The following MCRIP1 variants were observed in gnomAD, a reference collection of about 807,000 sequenced individuals.
MCRIP1 encodes the protein MAPK regulated corepressor interacting protein 1, also known as mapk-regulated corepressor-interacting protein 1.
A neutral mutation model predicts 14.4 loss-of-function variants in MCRIP1; 10 were observed. That is an observed-to-expected ratio of 0.70 (90% CI 0.43 to 1.18). The LOEUF is 1.18. Among genes scored for constraint, MCRIP1 ranks in the 50% most tolerant of loss-of-function variants. The pLI is 0.00. For missense variants in MCRIP1, 119 were observed against 135.4 expected, an observed-to-expected ratio of 0.88 and a Z score of 0.60; for synonymous variants, 53 against 55.7, an observed-to-expected ratio of 0.95 and a Z score of 0.21.
chr17:81,826,502 A>T, intron 1 of MCRIP1: 1 of 768,796 alleles, frequency 1.3e-6, no homozygotes, highest in Non-Finnish European at 2.1e-6. Flanking sequence ...CAGCCCAGGC[A>T]ACAGAGCAAG....
intron 1 of MCRIP1, chr17:81,826,105 GCCACA>G: frequency 6.8e-7 from 1 of 1,479,784 alleles, no homozygotes; most frequent in South Asian, 1.3e-5. Flanking sequence ...CCTTTATGCA[GCCACA>G]CCTTTGGCCT....
chr17:81,832,367 G>C (rs983112257), intron 1 of MCRIP1, among the ~76,000 whole-genome samples: 2 of 152,120 alleles, frequency 1.3e-5, no homozygotes, highest in African/African-American at 4.8e-5. Flanking sequence ...AACAGCCTGA[G>C]CGTGTGCGCC....
At chr17:81,830,715 G>A (rs751082278) in intron 1 of MCRIP1, among the ~76,000 whole-genome samples, 15 of 151,164 alleles carry the variant, frequency 9.9e-5, no homozygotes, top group Non-Finnish European at 2.2e-4. Context: ...AGACTGGCCT[G>A]GGCAACATAG....
At chr17:81,829,160 G>C (rs754811322) in intron 1 of MCRIP1, among the ~76,000 whole-genome samples, 1 of 152,108 alleles carries the variant, frequency 6.6e-6, no homozygotes. Flanking sequence ...CACGGCAGAC[G>C]GCCACCTGAG....
rs923983447 is a variant in MCRIP1 at position 81,824,016 on chromosome 17, C to T, written c.127+271G>A. On this transcript the variant is annotated intron_variant, in intron 3 of 4. Coordinates refer to ENST00000455127, the MANE Select transcript of MCRIP1 (RefSeq NM_207368.5). ...TAGCATGGATGACTGGCTCCCAGTG[C>T]GGCCTCTATCTGTGGCATGGCCCAC... is the stretch of plus-strand genomic sequence containing the variant. 1.7e-4 allele frequency among the ~76,000 whole-genome samples: 26 copies of T among 152,306 alleles called. No individual in the cohort carries two copies. The South Asian group carries it at 2.5e-3, about 15-fold the overall frequency.
At chr17:81,826,094 G>A in intron 1 of MCRIP1, 2 of 1,477,404 alleles carry the variant, frequency 1.4e-6, no homozygotes, top group South Asian at 2.5e-5. Context: ...TGGCCACTTG[G>A]CCTTTATGCA....
At position 81,824,515 on chromosome 17, in the gene MCRIP1, C is replaced by T. The variant is rs555317885; in HGVS notation, c.-9G>A. 5.3e-5 allele frequency: 81 copies of T among 1,536,038 alleles called. No individual in the cohort carries two copies. In the Admixed American group the frequency reaches 1.1e-3, roughly 20 times the overall value. Reference sequence around the variant, plus strand: ...GAGACCCACCTGGTCATCGCGGGGGCGTCTGATCCTAGCGCTCCACCGCCA... The same window carrying T: ...GAGACCCACCTGGTCATCGCGGGGGTGTCTGATCCTAGCGCTCCACCGCCA... On this transcript the variant is annotated 5_prime_UTR_variant, in exon 2 of 5. Transcript: ENST00000455127.
chr17:81,828,221 A>T (rs1419539978), intron 1 of MCRIP1, among the ~76,000 whole-genome samples: 1 of 150,496 alleles, frequency 6.6e-6, no homozygotes. Context: ...ACCTCTCCCT[A>T]CTTCTTCCTC....
At position 81,823,264 on chromosome 17, in the gene MCRIP1, C is replaced by T. The variant is rs1343327788; in HGVS notation, c.277G>A (p.Asp93Asn). The change falls in exon 5 of 5, where the codon GAT (aspartate) becomes AAT (asparagine). Residue 93 changes from aspartate (D) to asparagine (N), a missense_variant. Coordinates refer to ENST00000455127, the MANE Select transcript of MCRIP1 (RefSeq NM_207368.5). The surrounding 1 kb of genome is among the most constrained non-coding windows in gnomAD (Gnocchi z 6.0). The stretch of plus-strand genomic sequence containing the variant: ...CGGGCGCTCTAGGACTTCTTGGCAT[C>T]CTGCGTGCTCCGGCGCTTCAGGTCA... Reference protein sequence around the residue: ...LSDLKRRSTQDAKKS With the variant: ...LSDLKRRSTQNAKKS 2.0e-6 allele frequency: 3 copies of T among 1,536,722 alleles called. No individual in the cohort carries two copies. Among genetic ancestry groups the T allele is most frequent in the Non-Finnish European group, 2.6e-6 (3 of 1,146,794 alleles).
In MCRIP1 at chr17:81,823,375, C is replaced by G. The variant is rs2038313524; in HGVS notation, c.229+37G>C. 6.5e-7 allele frequency: 1 copy of G among 1,536,154 alleles called. No homozygotes were observed. Among genetic ancestry groups the G allele is most frequent in the African/African-American group, 1.4e-5 (1 of 73,118 alleles). ...CCTCCTGCCCATGAGGCCCGGCCTG[C>G]CGGCCCAGCCCTGCCCCCAGGTCAG... On this transcript the variant is annotated intron_variant, in intron 4 of 4. Coordinates refer to ENST00000455127, the MANE Select transcript of MCRIP1 (RefSeq NM_207368.5). The surrounding 1 kb of genome is among the most constrained non-coding windows in gnomAD (Gnocchi z 6.0).
chr17:81,823,034 G>C lies in MCRIP1; in HGVS notation c.*213C>G. ...AGGGCAGGAGGGTGGGCAGGGCCCA[G>C]ACCCCCATGATGGGGGCAGCCTGAG... On this transcript the variant is annotated 3_prime_UTR_variant, in exon 5 of 5. Transcript: ENST00000455127. This position sits in a 1 kb window ranked among gnomAD's most constrained non-coding sequence, Gnocchi z 6.0. The C allele has an allele frequency of 1.6e-6, 1 of 613,484 alleles. No individual in the cohort carries two copies. Among genetic ancestry groups the C allele is most frequent in the East Asian group, 2.7e-5 (1 of 36,442 alleles). The allele number at this position is 613,484 out of a possible 1,614,324, so 38.0% of individuals were successfully genotyped here. A position where few individuals can be genotyped will look rare whatever the true frequency, so the allele number is the denominator to read the frequency against.
In MCRIP1 at chr17:81,823,963, T is replaced by G. The variant is rs1191170904; in HGVS notation, c.127+324A>C. 1.1e-5 allele frequency: 6 copies of G among 522,100 alleles called. No individual in the cohort carries two copies. Among genetic ancestry groups the G allele is most frequent in the African/African-American group, 9.7e-5 (5 of 51,744 alleles). 32.3% of individuals were successfully genotyped at this position (522,100 alleles called of 1,614,324 possible). A position where few individuals can be genotyped will look rare whatever the true frequency, so the allele number is the denominator to read the frequency against. On this transcript the variant is annotated intron_variant, in intron 3 of 4. Transcript: ENST00000455127. The surrounding 1 kb of genome is among the most constrained non-coding windows in gnomAD (Gnocchi z 6.0). ...CTGTCTGTCTTCAAAGGCCCCTCCCTTTCCCCAGCAAACTCCTCCAGTGCT... is the reference window on the plus strand; with the variant it reads ...CTGTCTGTCTTCAAAGGCCCCTCCCGTTCCCCAGCAAACTCCTCCAGTGCT...
In MCRIP1 at chr17:81,822,832, C is replaced by T. The variant is rs558936433; in HGVS notation, c.*415G>A. The T allele has an allele frequency of 1.7e-4, 54 of 315,502 alleles. No homozygotes were observed. The South Asian group carries it at 1.7e-3, about 10-fold the overall frequency. 19.5% of individuals were successfully genotyped at this position (315,502 alleles called of 1,614,324 possible). On this transcript the variant is annotated 3_prime_UTR_variant, in exon 5 of 5. Transcript: ENST00000455127. ...GGGCTGCCCTTGTCCTGTATCCTGA[C>T]CACTTCAAGGACAAAACCAGCCCAG... is the stretch of plus-strand genomic sequence containing the variant.
At position 81,824,507 on chromosome 17, in the gene MCRIP1, C is replaced by T. The variant is rs972137384; in HGVS notation, c.-1G>A. 11 of 1,536,058 alleles carry T rather than the reference C, an allele frequency of 7.2e-6. No individual in the cohort carries two copies. The Admixed American group carries it at 9.8e-5, about 14-fold the overall frequency. On this transcript the variant is annotated 5_prime_UTR_variant, in exon 2 of 5. Coordinates refer to ENST00000455127, the MANE Select transcript of MCRIP1 (RefSeq NM_207368.5). ...ACCTGCCTGAGACCCACCTGGTCAT[C>T]GCGGGGGCGTCTGATCCTAGCGCTC...
intron 1 of MCRIP1, chr17:81,824,891 T>G: frequency 8.3e-7 from 1 of 1,203,310 alleles, no homozygotes; most frequent in Non-Finnish European, 1.0e-6. Context: ...CCAGAGCCCC[T>G]CCCCACGTGG....
In MCRIP1 at chr17:81,823,230, G is replaced by A; in HGVS notation, c.*17C>T. ...GCACCCTGATCTTCCGGAGGCCGGG[G>A]AGGGGCACCGGGCGCTCTAGGACTT... On this transcript the variant is annotated 3_prime_UTR_variant, in exon 5 of 5. Coordinates refer to ENST00000455127, the MANE Select transcript of MCRIP1 (RefSeq NM_207368.5). This position sits in a 1 kb window ranked among gnomAD's most constrained non-coding sequence, Gnocchi z 6.0. The A allele has an allele frequency of 1.3e-6, 2 of 1,535,852 alleles. No individual in the cohort carries two copies. The highest frequency in any genetic ancestry group is 2.4e-5 in the East Asian group (1 of 40,902).
In MCRIP1 at chr17:81,823,172, C is replaced by A. The variant is rs2038306488; in HGVS notation, c.*75G>T. The A allele has an allele frequency of 2.1e-6, 3 of 1,419,502 alleles. No homozygotes were observed. The highest frequency in any genetic ancestry group is 2.0e-5 in the Admixed American group (1 of 50,778). 87.9% of individuals were successfully genotyped at this position (1,419,502 alleles called of 1,614,324 possible). ...GAGCAAGGCACCCCCATCCCAGGGG[C>A]AGGACCACAGGACAGGAGGGAACCG... On this transcript the variant is annotated 3_prime_UTR_variant, in exon 5 of 5. Transcript: ENST00000455127. The surrounding 1 kb of genome is among the most constrained non-coding windows in gnomAD (Gnocchi z 6.0).
At chr17:81,832,979 G>C (rs1461851255) in intron 1 of MCRIP1, among the ~76,000 whole-genome samples, 2 of 151,940 alleles carry the variant, frequency 1.3e-5, no homozygotes, top group African/African-American at 2.4e-5. Flanking sequence ...GCCCCTGCCT[G>C]GGCGGGAAAG....
chr17:81,825,292 T>C, intron 1 of MCRIP1: 1 of 1,077,806 alleles, frequency 9.3e-7, no homozygotes, highest in Non-Finnish European at 1.1e-6. Flanking sequence ...AAAAATGGAG[T>C]CTATTTTGAG....
Sources: gnomAD v4.1 joint callset for allele counts (sites outside exome capture counted in the v4.1 genomes callset) on GRCh38, gnomAD v4.1.1 for gene constraint, Gnocchi (gnomAD v3.1) non-coding constraint, MANE v1.5 for transcripts, NCBI Gene and HGNC (gene_info 2026-07-23, HGNC 2026-07-21) for gene names.